SYNDIG1: variants seen among roughly 807,000 people sequenced by gnomAD.
SYNDIG1 encodes synapse differentiation-inducing gene protein 1.
SYNDIG1 carries 9 observed loss-of-function variants against 19.4 expected under a neutral mutation model. The observed-to-expected ratio is 0.46, with a 90% CI of 0.28 to 0.81. The LOEUF (loss-of-function observed/expected upper bound fraction) is 0.81, where lower values mean the gene tolerates loss of function less well. SYNDIG1 is among the 30% of genes least tolerant of loss of function. The pLI is 0.12. For missense variants in SYNDIG1, 311 were observed against 343.3 expected, an observed-to-expected ratio of 0.91 and a Z score of 0.74; for synonymous variants, 141 against 145.9, an observed-to-expected ratio of 0.97 and a Z score of 0.24.
chr20:24,634,185 T>G (rs1459816773), intron 3 of SYNDIG1, among the ~76,000 whole-genome samples: 1 of 152,226 alleles, frequency 6.6e-6, no homozygotes, highest in Non-Finnish European at 1.5e-5. Context: ...AGTTTTGATT[T>G]ACACGTAGAA....
intron 3 of SYNDIG1, among the ~76,000 whole-genome samples, chr20:24,629,477 G>C (rs190591756): frequency 3.3e-5 from 5 of 152,102 alleles, no homozygotes; most frequent in Non-Finnish European, 7.4e-5. Flanking sequence ...AGGAAAAAGA[G>C]GAAAGGAGGG....
intron 1 of SYNDIG1, among the ~76,000 whole-genome samples, chr20:24,515,453 C>G (rs1568601806): frequency 6.6e-6 from 1 of 152,012 alleles, no homozygotes; most frequent in Admixed American, 6.6e-5. Context: ...CATCTCAGCC[C>G]AAAATCTCCT....
chr20:24,525,788 C>A (rs942655183), intron 1 of SYNDIG1, among the ~76,000 whole-genome samples: 3 of 152,188 alleles, frequency 2.0e-5, no homozygotes, highest in Admixed American at 1.3e-4. Context: ...TTAATTTTGG[C>A]CTGTTTATTT....
At chr20:24,476,041 A>AGTAGAGTC (rs1223054809) in intron 1 of SYNDIG1, among the ~76,000 whole-genome samples, 2 of 151,868 alleles carry the variant, frequency 1.3e-5, no homozygotes, top group African/African-American at 4.8e-5. Context: ...TTCTATTTTT[A>AGTAGAGTC]GTAGAGTCGT....
intron 1 of SYNDIG1, among the ~76,000 whole-genome samples, chr20:24,471,883 T>TATC (rs1184457530): frequency 6.6e-6 from 1 of 152,218 alleles, no homozygotes; most frequent in African/African-American, 2.4e-5. Context: ...TGTATACGCA[T>TATC]ATCACAGCAT....
At chr20:24,619,446 C>G (rs964672291) in intron 3 of SYNDIG1, among the ~76,000 whole-genome samples, 2 of 152,156 alleles carry the variant, frequency 1.3e-5, no homozygotes, top group African/African-American at 4.8e-5. Context: ...ATCACTTGTA[C>G]AACACTACTT....
At chr20:24,597,235 A>T (rs2058609665) in intron 3 of SYNDIG1, 1 of 152,192 alleles carries the variant, frequency 6.6e-6, no homozygotes, top group African/African-American at 2.4e-5. Flanking sequence ...TGCACATAAA[A>T]GTGCAGTTTG....
At chr20:24,597,364 C>G (rs932997673) in intron 3 of SYNDIG1, among the ~76,000 whole-genome samples, 2 of 152,156 alleles carry the variant, frequency 1.3e-5, no homozygotes, top group Non-Finnish European at 2.9e-5. Context: ...CCCTTGGCTG[C>G]CTTATCCCGT....
At chr20:24,591,686 C>G (rs2058514271) in intron 3 of SYNDIG1, among the ~76,000 whole-genome samples, 2 of 152,130 alleles carry the variant, frequency 1.3e-5, no homozygotes, top group Non-Finnish European at 2.9e-5. Context: ...CCAAGCACCT[C>G]GCACATAGTT....
chr20:24,624,400 T>C (rs994554923), intron 3 of SYNDIG1, among the ~76,000 whole-genome samples: 2 of 152,156 alleles, frequency 1.3e-5, no homozygotes, highest in Non-Finnish European at 2.9e-5. Flanking sequence ...GAAGTGGCTG[T>C]ATTAATTTGA....
At chr20:24,550,312 A>G (rs529019380) in intron 2 of SYNDIG1, among the ~76,000 whole-genome samples, 27 of 150,946 alleles carry the variant, frequency 1.8e-4, no homozygotes, top group Non-Finnish European at 3.3e-4. Flanking sequence ...ATGTCTCTCT[A>G]ATATACTGAT....
Position 24,621,334 on chromosome 20 carries a change from C to A in SYNDIG1, c.618+36341C>A, listed in dbSNP as rs542915171. ...TAAATAACTTATCACATCATAAGTGCATTGCACTTTGAAGGTTTCAGTTGG... is the reference window on the plus strand; with the variant it reads ...TAAATAACTTATCACATCATAAGTGAATTGCACTTTGAAGGTTTCAGTTGG... On this transcript the variant is annotated intron_variant, in intron 3 of 3. Transcript: ENST00000376862. Among the ~76,000 whole-genome samples the A allele has an allele frequency of 1.9e-4, 29 of 152,288 alleles. No homozygotes were observed. In the South Asian group the frequency reaches 5.2e-3, roughly 27 times the overall value.
chr20:24,502,929 C>T (rs2056490749), intron 1 of SYNDIG1, among the ~76,000 whole-genome samples: 1 of 152,204 alleles, frequency 6.6e-6, no homozygotes, highest in African/African-American at 2.4e-5. Context: ...GTTAATTCTG[C>T]TTTAAACTCT....
chr20:24,662,240 C>T (rs2059611187), intron 3 of SYNDIG1, among the ~76,000 whole-genome samples: 1 of 151,796 alleles, frequency 6.6e-6, no homozygotes, highest in Admixed American at 6.6e-5. Flanking sequence ...GTGAACAGCG[C>T]TGCACTTGAG....
chr20:24,531,143 A>G (rs1383095479), intron 1 of SYNDIG1, among the ~76,000 whole-genome samples: 1 of 152,014 alleles, frequency 6.6e-6, no homozygotes. Flanking sequence ...TCAGTTGCAT[A>G]GGTAGCTGAC....
chr20:24,584,245 C>T (rs1290532704), intron 2 of SYNDIG1, among the ~76,000 whole-genome samples: 3 of 152,148 alleles, frequency 2.0e-5, no homozygotes, highest in Non-Finnish European at 4.4e-5. Flanking sequence ...GGAAATCAGG[C>T]CCCACCTGTG....
At chr20:24,569,277 G>A (rs535634539) in intron 2 of SYNDIG1, among the ~76,000 whole-genome samples, 1 of 152,318 alleles carries the variant, frequency 6.6e-6, no homozygotes, top group East Asian at 1.9e-4. Flanking sequence ...AGAGTGACTC[G>A]TGTGTCCATG....
intron 3 of SYNDIG1, among the ~76,000 whole-genome samples, chr20:24,623,519 C>T (rs1485949851): frequency 6.6e-6 from 1 of 152,134 alleles, no homozygotes; most frequent in Non-Finnish European, 1.5e-5. Context: ...TTTTCTTACT[C>T]ATAATTTATC....
intron 3 of SYNDIG1, among the ~76,000 whole-genome samples, chr20:24,588,501 T>A (rs2058454437): frequency 6.6e-6 from 1 of 152,180 alleles, no homozygotes; most frequent in Non-Finnish European, 1.5e-5. Context: ...AAATGCACAC[T>A]GTCTGGTCCA....
Sources: allele counts gnomAD v4.1 joint callset (sites outside exome capture counted in the v4.1 genomes callset), GRCh38; gene constraint gnomAD v4.1.1; transcripts MANE v1.5; gene names NCBI Gene and HGNC (gene_info 2026-07-23, HGNC 2026-07-21).